Variants in ROR2 observed in about 807,000 individuals in gnomAD.
ROR2 encodes ROR family WNT receptor 2.
In ROR2, 33 loss-of-function variants were observed where a neutral mutation model predicts 74.9. That is an observed-to-expected ratio of 0.44 (90% CI 0.33 to 0.59). The LOEUF (loss-of-function observed/expected upper bound fraction) is 0.59, where lower values mean the gene tolerates loss of function less well. Ranked by LOEUF, ROR2 falls within the 20% of genes least tolerant of loss-of-function variation. The pLI is 0.02. For synonymous variants in ROR2, 586 were observed against 558.7 expected (o/e 1.05, Z -0.69); for missense variants, 1,216 against 1,313.8 (o/e 0.93, Z 1.15).
chr9:91,867,856 G>A (rs1369668933), intron 1 of ROR2, among the ~76,000 whole-genome samples: 1 of 152,138 alleles, frequency 6.6e-6, no homozygotes, highest in Non-Finnish European at 1.5e-5. Context: ...AACACGGAAG[G>A]CTGTTCGGAA....
chr9:91,782,584 C>CAAAAAAAAAA (rs55664591), intron 1 of ROR2, among the ~76,000 whole-genome samples: 1 of 79,812 alleles, frequency 1.3e-5, no homozygotes, highest in Non-Finnish European at 2.4e-5. Flanking sequence ...TAGCTGATAG[C>CAAAAAAAAAA]AAAAAAAAAA....
chr9:91,927,863 C>T (rs1390915270), intron 1 of ROR2, among the ~76,000 whole-genome samples: 1 of 152,144 alleles, frequency 6.6e-6, no homozygotes, highest in Non-Finnish European at 1.5e-5. Context: ...CGCGCCCAGC[C>T]TCTAGATTCT....
intron 1 of ROR2, among the ~76,000 whole-genome samples, chr9:91,838,423 C>T (rs1045990067): frequency 2.4e-4 from 36 of 152,200 alleles, no homozygotes; most frequent in African/African-American, 8.4e-4. Flanking sequence ...GCACCTGAAA[C>T]ATTCCTGACT....
intron 1 of ROR2, among the ~76,000 whole-genome samples, chr9:91,802,078 T>C (rs1046941908): frequency 6.8e-6 from 1 of 146,140 alleles, no homozygotes; most frequent in African/African-American, 2.6e-5. Context: ...TTTTTTTTTT[T>C]TTTTTTTTTT....
chr9:91,833,640 A>C (rs935512678), intron 1 of ROR2, among the ~76,000 whole-genome samples: 21 of 152,156 alleles, frequency 1.4e-4, no homozygotes, highest in African/African-American at 5.1e-4. Context: ...CGCACCCTGC[A>C]GACCTGCATG....
intron 1 of ROR2, among the ~76,000 whole-genome samples, chr9:91,787,887 G>A (rs1826852087): frequency 6.6e-6 from 1 of 152,152 alleles, no homozygotes; most frequent in South Asian, 2.1e-4. Context: ...AGCACCACAT[G>A]CTAACCAACT....
chr9:91,903,905 T>C (rs993661121), intron 1 of ROR2, among the ~76,000 whole-genome samples: 2 of 152,252 alleles, frequency 1.3e-5, no homozygotes, highest in African/African-American at 4.8e-5. Context: ...TTTCCAAAAA[T>C]ACAGTCAGTG....
intron 1 of ROR2, among the ~76,000 whole-genome samples, chr9:91,892,054 A>G (rs1238830204): frequency 2.4e-5 from 3 of 124,640 alleles, no homozygotes; most frequent in Admixed American, 1.5e-4. Flanking sequence ...TCTAAGAAGA[A>G]AAAAAAAAAA....
At chr9:91,793,157 C>G (rs1023544153) in intron 1 of ROR2, among the ~76,000 whole-genome samples, 1 of 152,042 alleles carries the variant, frequency 6.6e-6, no homozygotes, top group Admixed American at 6.6e-5. Flanking sequence ...ACACGAAAGT[C>G]CAAGAAAATG....
intron 1 of ROR2, among the ~76,000 whole-genome samples, chr9:91,815,130 T>C (rs1158759875): frequency 6.6e-6 from 1 of 152,238 alleles, no homozygotes; most frequent in East Asian, 1.9e-4. Context: ...TGAGGAGTCC[T>C]GCTTACTGAA....
intron 4 of ROR2, among the ~76,000 whole-genome samples, chr9:91,755,757 G>A (rs1825729216): frequency 6.6e-6 from 1 of 152,224 alleles, no homozygotes; most frequent in African/African-American, 2.4e-5. Flanking sequence ...ATGTCCTAAT[G>A]AGCCGGTATC....
intron 4 of ROR2, among the ~76,000 whole-genome samples, chr9:91,739,914 G>A (rs1181210402): frequency 2.0e-5 from 3 of 152,226 alleles, no homozygotes; most frequent in Admixed American, 6.5e-5. Context: ...ACATGTCCCT[G>A]TCTGGAGGCG....
At chr9:91,755,504 G>A (rs1168513309) in intron 4 of ROR2, among the ~76,000 whole-genome samples, 1 of 152,238 alleles carries the variant, frequency 6.6e-6, no homozygotes, top group Non-Finnish European at 1.5e-5. Context: ...ACTCTCCCAA[G>A]ACAGCCTGGC....
chr9:91,904,942 C>A (rs1339707158), intron 1 of ROR2, among the ~76,000 whole-genome samples: 1 of 151,876 alleles, frequency 6.6e-6, no homozygotes, highest in Non-Finnish European at 1.5e-5. Flanking sequence ...AGCACATACA[C>A]CACACACAAG....
At chr9:91,876,381 G>A (rs1460766350) in intron 1 of ROR2, among the ~76,000 whole-genome samples, 1 of 144,948 alleles carries the variant, frequency 6.9e-6, no homozygotes, top group Non-Finnish European at 1.5e-5. Flanking sequence ...AAAAAAAAAA[G>A]TGAAATGAAA....
At chr9:91,795,588 G>A (rs899004794) in intron 1 of ROR2, among the ~76,000 whole-genome samples, 7 of 152,132 alleles carry the variant, frequency 4.6e-5, no homozygotes, top group African/African-American at 1.7e-4. Context: ...CTATAAAAAA[G>A]AACATTTTTC....
chr9:91,830,398 G>T (rs980579973), intron 1 of ROR2, among the ~76,000 whole-genome samples: 2 of 152,214 alleles, frequency 1.3e-5, no homozygotes, highest in Admixed American at 6.5e-5. Flanking sequence ...CTTGAGTCCA[G>T]GAGTTCAATG....
intron 1 of ROR2, among the ~76,000 whole-genome samples, chr9:91,908,588 A>G (rs1830875932): frequency 6.6e-6 from 1 of 152,210 alleles, no homozygotes; most frequent in Non-Finnish European, 1.5e-5. Context: ...ACATAAAATC[A>G]AGGAATACGC....
intron 2 of ROR2, among the ~76,000 whole-genome samples, chr9:91,762,754 T>G (rs564799807): frequency 1.4e-4 from 21 of 152,358 alleles, no homozygotes; most frequent in Admixed American, 1.2e-3. Flanking sequence ...CTATGTTGGT[T>G]GATGTGCTCC....
Sources: allele counts gnomAD v4.1 joint callset (sites outside exome capture counted in the v4.1 genomes callset), GRCh38; gene constraint gnomAD v4.1.1; transcripts MANE v1.5; gene names NCBI Gene and HGNC (gene_info 2026-07-23, HGNC 2026-07-21).